Variants in KCNAB1 observed in about 807,000 individuals in gnomAD.
KCNAB1 encodes voltage-gated potassium channel subunit beta-1.
KCNAB1 carries 35 observed loss-of-function variants against 64.6 expected under a neutral mutation model. The ratio of observed to expected loss-of-function variants is 0.54; its 90% CI spans 0.41 to 0.72. The LOEUF (loss-of-function observed/expected upper bound fraction) is 0.72. Ranked by LOEUF, KCNAB1 falls within the 30% of genes least tolerant of loss-of-function variation. The pLI is 0.00. For synonymous variants in KCNAB1, 177 were observed against 183.8 expected (o/e 0.96, Z 0.30); for missense variants, 401 against 512.9 (o/e 0.78, Z 2.11).
intron 8 of KCNAB1, among the ~76,000 whole-genome samples, chr3:156,493,473 A>G (rs759560163): frequency 4.6e-5 from 7 of 152,122 alleles, no homozygotes; most frequent in Non-Finnish European, 1.0e-4. Context: ...AGACATAAAA[A>G]GTAAGGAAAA....
chr3:156,390,074 A>G (rs1293153150), intron 1 of KCNAB1, among the ~76,000 whole-genome samples: 1 of 152,230 alleles, frequency 6.6e-6, no homozygotes, highest in African/African-American at 2.4e-5. Flanking sequence ...GGCAAAGACA[A>G]CAATAATAAC....
At chr3:156,463,541 C>G (rs188179922) in intron 5 of KCNAB1, among the ~76,000 whole-genome samples, 161 bp from the exon 6 acceptor site, 1 of 152,256 alleles carries the variant, frequency 6.6e-6, no homozygotes, top group African/African-American at 2.4e-5. Context: ...TTCCCTTTGT[C>G]TTTATTTCAG....
At chr3:156,192,871 G>A (rs1284660671) in intron 1 of KCNAB1, among the ~76,000 whole-genome samples, 1 of 151,886 alleles carries the variant, frequency 6.6e-6, no homozygotes, top group East Asian at 1.9e-4. Context: ...TGATCTATTT[G>A]TGTCTTTATA....
chr3:156,199,744 C>G (rs367604725), intron 1 of KCNAB1, among the ~76,000 whole-genome samples: 1 of 152,176 alleles, frequency 6.6e-6, no homozygotes, highest in Non-Finnish European at 1.5e-5. Flanking sequence ...TTCTTAGCTT[C>G]CTTGTATTGG....
chr3:156,356,118 T>TA (rs369640404), intron 1 of KCNAB1, among the ~76,000 whole-genome samples: 5,881 of 88,030 alleles, frequency 0.067, 182 homozygotes, highest in Non-Finnish European at 0.099. Context: ...TGGGACCCTG[T>TA]AAAAAAAAAA....
chr3:156,303,271 C>G (rs2107991591), intron 1 of KCNAB1, among the ~76,000 whole-genome samples: 1 of 152,262 alleles, frequency 6.6e-6, no homozygotes, highest in Middle Eastern at 3.4e-3. Flanking sequence ...TCTATATACT[C>G]TCTCTTGGCA....
chr3:156,523,401 C>G (rs371841540), intron 11 of KCNAB1, among the ~76,000 whole-genome samples: 2 of 151,708 alleles, frequency 1.3e-5, no homozygotes, highest in African/African-American at 4.8e-5. Flanking sequence ...TTTCTTTGAG[C>G]AGAAAGCTTG....
chr3:156,141,829 T>C (rs921796490), intron 1 of KCNAB1, among the ~76,000 whole-genome samples: 8 of 152,228 alleles, frequency 5.3e-5, no homozygotes, highest in African/African-American at 1.9e-4. Context: ...ATGTTTAGTC[T>C]TATAAGAAAC....
intron 1 of KCNAB1, among the ~76,000 whole-genome samples, chr3:156,353,343 T>C (rs901161829): frequency 6.6e-5 from 10 of 152,190 alleles, no homozygotes; most frequent in Non-Finnish European, 1.5e-4. Context: ...GTACAGGCAG[T>C]GGGCTAGGTA....
At chr3:156,281,106 A>C (rs1233460951) in intron 1 of KCNAB1, among the ~76,000 whole-genome samples, 1 of 150,688 alleles carries the variant, frequency 6.6e-6, no homozygotes, top group East Asian at 2.0e-4. Flanking sequence ...TGGGTTTGTC[A>C]TAGATAGCTC....
chr3:156,156,274 T>A (rs1168626246), intron 1 of KCNAB1, among the ~76,000 whole-genome samples: 1 of 150,212 alleles, frequency 6.7e-6, no homozygotes, highest in African/African-American at 2.4e-5. Context: ...TACTGCACAA[T>A]AGGCACATTG....
chr3:156,399,354 G>T (rs1305195246), intron 1 of KCNAB1, among the ~76,000 whole-genome samples: 1 of 152,210 alleles, frequency 6.6e-6, no homozygotes. Context: ...GTAAAGAGGT[G>T]TTGGGTGGGG....
At position 156,221,113 on chromosome 3, in the gene KCNAB1, A is replaced by G. The variant is rs992570476; in HGVS notation, c.275+100227A>G. ...GTACCAGTACCATGCTGTTTTGGTTACTGTAGCCTTGTAGTATAGTTTGAA... is the reference window on the plus strand; with the variant it reads ...GTACCAGTACCATGCTGTTTTGGTTGCTGTAGCCTTGTAGTATAGTTTGAA... On this transcript the variant is annotated intron_variant, in intron 1 of 13. Transcript: ENST00000490337. Among the ~76,000 whole-genome samples, 17 of 152,300 alleles carry G rather than the reference A, an allele frequency of 1.1e-4. 1 individual carries two copies. Among genetic ancestry groups the G allele is most frequent in the African/African-American group, 4.1e-4 (17 of 41,568 alleles).
intron 1 of KCNAB1, among the ~76,000 whole-genome samples, chr3:156,231,487 TCCCCTC>T (rs1329640619): frequency 9.8e-4 from 18 of 18,444 alleles, no homozygotes; most frequent in African/African-American, 3.0e-3. Flanking sequence ...TCCCCTCCCC[TCCCCTC>T]CCCTCCCTCC....
chr3:156,469,720 G>T (rs867672793), intron 7 of KCNAB1, among the ~76,000 whole-genome samples: 1 of 152,258 alleles, frequency 6.6e-6, no homozygotes, highest in South Asian at 2.1e-4. Context: ...TATTATGTTG[G>T]TGGTGGTGGT....
intron 3 of KCNAB1, among the ~76,000 whole-genome samples, chr3:156,454,192 G>A (rs1275651070): frequency 6.6e-6 from 1 of 152,216 alleles, no homozygotes; most frequent in African/African-American, 2.4e-5. Context: ...AGAGTAGCAT[G>A]CAGGACAGTT....
At chr3:156,216,158 A>C (rs1243318213) in intron 1 of KCNAB1, among the ~76,000 whole-genome samples, 45 of 152,348 alleles carry the variant, frequency 3.0e-4, no homozygotes, top group Non-Finnish European at 8.8e-5. Context: ...TACGTTAATG[A>C]AATAGAATCT....
intron 1 of KCNAB1, among the ~76,000 whole-genome samples, chr3:156,404,513 G>C (rs2108197768): frequency 6.6e-6 from 1 of 152,348 alleles, no homozygotes; most frequent in Non-Finnish European, 1.5e-5. Flanking sequence ...TATCATGGTA[G>C]TAACTAATGT....
intron 1 of KCNAB1, among the ~76,000 whole-genome samples, chr3:156,243,271 C>A (rs951268780): frequency 6.6e-6 from 1 of 151,918 alleles, no homozygotes; most frequent in Non-Finnish European, 1.5e-5. Flanking sequence ...GTCGCCCAGG[C>A]TGGAGTGCAG....
Sources: allele counts gnomAD v4.1 joint callset (sites outside exome capture counted in the v4.1 genomes callset), GRCh38; gene constraint gnomAD v4.1.1; transcripts MANE v1.5; gene names NCBI Gene and HGNC (gene_info 2026-07-23, HGNC 2026-07-21).